Variants in CPEB2 observed in about 807,000 individuals in gnomAD.
CPEB2 encodes the protein cytoplasmic polyadenylation element-binding protein 2.
CPEB2 carries 56 observed loss-of-function variants against 93.6 expected under a neutral mutation model. The ratio of observed to expected loss-of-function variants is 0.60; its 90% CI spans 0.48 to 0.75. CPEB2 has a LOEUF of 0.75. Ranked by LOEUF, CPEB2 falls within the 30% of genes least tolerant of loss-of-function variation. CPEB2 has a pLI of 0.00. For missense variants in CPEB2, 1,579 were observed against 1,395.1 expected (o/e 1.13, Z -2.10); for synonymous variants, 764 against 586.3 (o/e 1.30, Z -4.38).
chr4:15,029,602 G>C (rs1474119740), intron 4 of CPEB2, among the ~76,000 whole-genome samples: 2 of 151,882 alleles, frequency 1.3e-5, no homozygotes, highest in Non-Finnish European at 2.9e-5. Flanking sequence ...AATTTGCCCA[G>C]GTTTATTACT....
intron 5 of CPEB2, among the ~76,000 whole-genome samples, chr4:15,036,540 C>A (rs1454148816): frequency 1.3e-5 from 2 of 151,950 alleles, no homozygotes; most frequent in Admixed American, 6.6e-5. Context: ...TAAAAAAAAA[C>A]CCTGCCTTCC....
At chr4:15,041,019 TCA>T (rs368126504) in intron 6 of CPEB2, among the ~76,000 whole-genome samples, 1 of 151,732 alleles carries the variant, frequency 6.6e-6, no homozygotes, top group African/African-American at 2.4e-5. Context: ...TTTCTGTCTC[TCA>T]CACACACACA....
chr4:15,034,406 T>G (rs1008274113), intron 5 of CPEB2, among the ~76,000 whole-genome samples: 10 of 152,224 alleles, frequency 6.6e-5, no homozygotes, highest in African/African-American at 2.4e-4. Flanking sequence ...AAAGCCCTTA[T>G]AAATAATCTA....
At chr4:15,058,036 G>A (rs1005990922) in intron 8 of CPEB2, among the ~76,000 whole-genome samples, 7 of 152,146 alleles carry the variant, frequency 4.6e-5, no homozygotes, top group South Asian at 2.1e-4. Context: ...ACTAGAAAGC[G>A]CATGGGAGAC....
chr4:15,049,580 T>C (rs539027832), intron 6 of CPEB2, among the ~76,000 whole-genome samples: 6 of 152,324 alleles, frequency 3.9e-5, no homozygotes, highest in African/African-American at 1.4e-4. Flanking sequence ...TAGTGGACCT[T>C]GATGTTCATT....
At chr4:15,030,792 A>G (rs1331681953) in intron 4 of CPEB2, among the ~76,000 whole-genome samples, 1 of 152,032 alleles carries the variant, frequency 6.6e-6, no homozygotes, top group East Asian at 1.9e-4. Context: ...TCCTTTGCAA[A>G]TAGTTATGTT....
At chr4:15,049,238 G>A (rs911298215) in intron 6 of CPEB2, among the ~76,000 whole-genome samples, 1 of 151,554 alleles carries the variant, frequency 6.6e-6, no homozygotes, top group Non-Finnish European at 1.5e-5. Context: ...CTTATAGTGT[G>A]ATTTGTCACC....
chr4:15,007,231 G>T, intron 1 of CPEB2, 74 bp from the exon 2 acceptor site: 5 of 1,254,722 alleles, frequency 4.0e-6, no homozygotes, highest in South Asian at 4.3e-5. Context: ...AAATTCTTAG[G>T]TCTGAAATTT....
rs1728516654 is a variant in CPEB2 at position 15,054,290 on chromosome 4, T to A, written c.2461+73T>A. The A allele has an allele frequency of 4.0e-6, 4 of 1,001,530 alleles. No individual in the cohort carries two copies. The South Asian group carries it at 5.6e-5, about 14-fold the overall frequency. The allele number at this position is 1,001,530 out of a possible 1,614,324, so 62.0% of individuals were successfully genotyped here. A position where few individuals can be genotyped will look rare whatever the true frequency, so the allele number is the denominator to read the frequency against. On this transcript the variant is annotated intron_variant, in intron 8 of 11. Coordinates refer to ENST00000538197, the MANE Select transcript of CPEB2 (RefSeq NM_001177382.2). ...AGCAAAAGAAAGAATAGCAATTACT[T>A]AGCCAGTTAGGAATCATAAGAGACT...
chr4:15,003,890 CGCCGCCACCCCAGCA>C lies in CPEB2; in HGVS notation c.1224_1238del (p.Pro409_Pro413del). ...CCGCCGACCCAGCCGCAGCAGCAGC[CGCCGCCACCCCAGCA>C]GCCGCCCCAGCCGCAGCCGCAGCCG... On this transcript the variant is annotated inframe_deletion, in exon 1 of 12. Transcript: ENST00000538197. 1 of 883,560 alleles carries C rather than the reference CGCCGCCACCCCAGCA, an allele frequency of 1.1e-6. No homozygotes were observed. The highest frequency in any genetic ancestry group is 1.5e-6 in the Non-Finnish European group (1 of 671,304). The allele number at this position is 883,560 out of a possible 1,614,324, so 54.7% of individuals were successfully genotyped here.
intron 4 of CPEB2, among the ~76,000 whole-genome samples, chr4:15,018,563 G>T (rs1007152023): frequency 1.1e-4 from 17 of 149,078 alleles, no homozygotes; most frequent in Non-Finnish European, 1.9e-4. Context: ...CTTTTTCACT[G>T]TTATGCTGGC....
Position 15,004,099 on chromosome 4 carries a change from C to T in CPEB2, c.1426C>T (p.Leu476Phe), listed in dbSNP as rs1397733760. The change falls in exon 1 of 12, where the codon CTC (leucine) becomes TTC (phenylalanine). Residue 476 changes from leucine to phenylalanine, a missense_variant. Leu to Phe is a conservative substitution (Grantham distance 22). Transcript: ENST00000538197. ...SPVSPHGCTG[L>F]SVPTSGGGGG... ...CGTGTCGCCGCACGGCTGCACTGGGCTCAGCGTTCCGACGAGCGGCGGCGG... is the reference window on the plus strand; with the variant it reads ...CGTGTCGCCGCACGGCTGCACTGGGTTCAGCGTTCCGACGAGCGGCGGCGG... The T allele has an allele frequency of 6.4e-7, 1 of 1,560,162 alleles. No individual in the cohort carries two copies. Among genetic ancestry groups the T allele is most frequent in the Non-Finnish European group, 8.6e-7 (1 of 1,157,078 alleles).
At chr4:15,030,812 T>C (rs1036605398) in intron 4 of CPEB2, among the ~76,000 whole-genome samples, 3 of 152,114 alleles carry the variant, frequency 2.0e-5, no homozygotes, top group African/African-American at 7.2e-5. Context: ...TTTTTAAACT[T>C]TCCACAAAAA....
intron 10 of CPEB2, among the ~76,000 whole-genome samples, chr4:15,059,562 C>A (rs1243620509): frequency 1.3e-5 from 2 of 152,120 alleles, no homozygotes; most frequent in African/African-American, 4.8e-5. Context: ...TAAGAATCCA[C>A]CTAAATACTT....
chr4:15,036,879 AG>A, intron 5 of CPEB2, among the ~76,000 whole-genome samples: 1 of 152,352 alleles, frequency 6.6e-6, no homozygotes, highest in Non-Finnish European at 1.5e-5. Context: ...GTATTTCTGA[AG>A]GCAGATGCTC....
Position 15,004,197 on chromosome 4 carries a change from T to G in CPEB2, c.1524T>G (p.Pro508=), listed in dbSNP as rs926980773. Residue 508 remains proline (P), a synonymous_variant, in exon 1 of 12, where the codon CCT becomes CCG. Coordinates refer to ENST00000538197, the MANE Select transcript of CPEB2 (RefSeq NM_001177382.2). The part of the protein sequence containing the change: ...PPPPPPAMNI[P]QQQPPPPAAP... ...CGCCGCCGCCCGCCATGAATATACC[T>G]CAACAGCAGCCCCCGCCGCCCGCGG... The G allele has an allele frequency of 7.8e-7, 1 of 1,285,354 alleles. No individual in the cohort carries two copies. The highest frequency in any genetic ancestry group is 1.7e-5 in the African/African-American group (1 of 59,884). The allele number at this position is 1,285,354 out of a possible 1,614,324, so 79.6% of individuals were successfully genotyped here.
intron 6 of CPEB2, among the ~76,000 whole-genome samples, chr4:15,044,449 C>G (rs182257609): frequency 5.9e-5 from 9 of 152,068 alleles, no homozygotes; most frequent in Admixed American, 1.3e-4. Flanking sequence ...TTATAGAAAA[C>G]AAATTTTAGT....
chr4:15,013,774 A>T (rs1723781604), intron 3 of CPEB2, among the ~76,000 whole-genome samples: 1 of 152,102 alleles, frequency 6.6e-6, no homozygotes, highest in South Asian at 2.1e-4. Context: ...TAAAAATCAC[A>T]TGGGATGCAG....
chr4:15,022,957 A>G (rs1018837992), intron 4 of CPEB2, among the ~76,000 whole-genome samples: 3 of 152,022 alleles, frequency 2.0e-5, no homozygotes, highest in African/African-American at 7.2e-5. Flanking sequence ...AGTTGCCTTT[A>G]TTACAAACTT....
Sources: gnomAD v4.1 joint callset for allele counts (sites outside exome capture counted in the v4.1 genomes callset) on GRCh38, gnomAD v4.1.1 for gene constraint, MANE v1.5 for transcripts, NCBI Gene and HGNC (gene_info 2026-07-23, HGNC 2026-07-21) for gene names.